The following ASTN2 variants were observed in gnomAD, a reference collection of about 807,000 sequenced individuals.
ASTN2 encodes astrotactin 2.
In ASTN2, 54 loss-of-function variants were observed where a neutral mutation model predicts 139.8. The observed-to-expected ratio is 0.39, with a 90% confidence interval of 0.31 to 0.48. The LOEUF is 0.48. Among genes scored for constraint, ASTN2 ranks in the 20% least tolerant of loss-of-function variants. The probability of loss-of-function intolerance (pLI) is 0.95; values close to 1 mark genes in which losing one functional copy is unlikely to be tolerated. For missense variants in ASTN2, 1,565 were observed against 1,725.1 expected (o/e 0.91, Z 1.64); for synonymous variants, 756 against 719.5 (o/e 1.05, Z -0.81).
chr9:117,327,273 G>A (rs1828548485), intron 1 of ASTN2, among the ~76,000 whole-genome samples: 1 of 152,092 alleles, frequency 6.6e-6, no homozygotes, highest in Non-Finnish European at 1.5e-5. Flanking sequence ...CCCAGGGATT[G>A]GGGACTCCCA....
At chr9:116,533,276 T>A (rs535780269) in intron 19 of ASTN2, among the ~76,000 whole-genome samples, 364 of 152,320 alleles carry the variant, frequency 2.4e-3, no homozygotes, top group African/African-American at 8.4e-3. Flanking sequence ...ACAATGGGGT[T>A]TTCTAAATAT....
At chr9:116,742,546 G>A (rs540656925) in intron 13 of ASTN2, among the ~76,000 whole-genome samples, 17 of 152,188 alleles carry the variant, frequency 1.1e-4, no homozygotes, top group African/African-American at 4.1e-4. Flanking sequence ...ATCTCGATAC[G>A]GGTGAGCAGG....
At chr9:116,704,270 T>A (rs1040139686) in intron 16 of ASTN2, among the ~76,000 whole-genome samples, 11 of 152,168 alleles carry the variant, frequency 7.2e-5, no homozygotes, top group African/African-American at 2.7e-4. Context: ...AATTGTTGAG[T>A]TCCCCCCAAT....
At chr9:116,944,470 C>T (rs1218029496) in intron 10 of ASTN2, among the ~76,000 whole-genome samples, 2 of 151,762 alleles carry the variant, frequency 1.3e-5, no homozygotes, top group Non-Finnish European at 2.9e-5. Context: ...TACCTGAGGT[C>T]AAAAGTTTGA....
At chr9:116,689,511 C>A (rs1860456733) in intron 16 of ASTN2, among the ~76,000 whole-genome samples, 1 of 152,070 alleles carries the variant, frequency 6.6e-6, no homozygotes, top group African/African-American at 2.4e-5. Flanking sequence ...GAAACTAAGG[C>A]TTAGGAAGTG....
At chr9:117,404,532 A>C (rs979284547) in intron 1 of ASTN2, among the ~76,000 whole-genome samples, 1 of 152,246 alleles carries the variant, frequency 6.6e-6, no homozygotes, top group Non-Finnish European at 1.5e-5. Flanking sequence ...GGATTTATAT[A>C]GCATTATAAT....
At chr9:116,839,012 C>T (rs908693222) in intron 11 of ASTN2, among the ~76,000 whole-genome samples, 2 of 152,200 alleles carry the variant, frequency 1.3e-5, no homozygotes, top group South Asian at 2.1e-4. Context: ...TGTTCTCCTC[C>T]AAGGACTAGG....
intron 19 of ASTN2, among the ~76,000 whole-genome samples, chr9:116,493,142 C>T (rs1329719167): frequency 1.3e-5 from 2 of 152,150 alleles, no homozygotes; most frequent in African/African-American, 2.4e-5. Flanking sequence ...GGATTTGCAG[C>T]TACTCAGGGG....
chr9:116,680,273 G>C (rs1171775957), intron 16 of ASTN2, among the ~76,000 whole-genome samples: 6 of 152,184 alleles, frequency 3.9e-5, no homozygotes, highest in African/African-American at 1.4e-4. Flanking sequence ...AGAAAATCTA[G>C]AAGAAATGGA....
chr9:116,873,058 C>G (rs1026431734), intron 10 of ASTN2, among the ~76,000 whole-genome samples: 2 of 152,062 alleles, frequency 1.3e-5, no homozygotes, highest in African/African-American at 4.8e-5. Flanking sequence ...ATCCTTATGG[C>G]AATAATAGTT....
Position 116,699,758 on chromosome 9 carries a change from G to T in ASTN2, c.2806+26013C>A. ...TCCCAAGCCAACTTCCCTTCCCTTA[G>T]TTCTTGGTTGTTAGTGGCACATGCA... On this transcript the variant is annotated intron_variant, in intron 16 of 22. Transcript: ENST00000313400. This position sits in a 1 kb window ranked among gnomAD's most constrained non-coding sequence, Gnocchi z 4.2. The T allele has an allele frequency of 6.2e-7, 1 of 1,612,990 alleles. No homozygotes were observed. The highest frequency in any genetic ancestry group is 1.3e-5 in the African/African-American group (1 of 75,036).
intron 7 of ASTN2, among the ~76,000 whole-genome samples, chr9:117,003,953 C>CGCGCGCGTGTGTGTGT (rs1218309835): frequency 1.5e-4 from 22 of 146,280 alleles, no homozygotes; most frequent in African/African-American, 5.7e-4. Flanking sequence ...CGCGCGCGCG[C>CGCGCGCGTGTGTGTGT]GTGTGTGTGT....
At chr9:117,412,025 G>T (rs1328711420) in intron 1 of ASTN2, among the ~76,000 whole-genome samples, 1 of 45,234 alleles carries the variant, frequency 2.2e-5, no homozygotes, top group African/African-American at 1.0e-4. Flanking sequence ...CCAACCCCCA[G>T]CGGGCACCAA....
At chr9:116,976,267 G>A in intron 8 of ASTN2, 79 bp from the exon 9 acceptor site, 1 of 1,207,408 alleles carries the variant, frequency 8.3e-7, no homozygotes, top group Non-Finnish European at 1.2e-6. Context: ...CTGCTCTAGA[G>A]TAGCTTTACA....
At chr9:117,215,164 C>T (rs768842457) in intron 2 of ASTN2, among the ~76,000 whole-genome samples, 12 of 152,096 alleles carry the variant, frequency 7.9e-5, no homozygotes, top group Non-Finnish European at 1.8e-4. Flanking sequence ...GCTGAGCATC[C>T]CAAGGACAGT....
At chr9:117,107,427 A>T (rs1370406268) in intron 4 of ASTN2, among the ~76,000 whole-genome samples, 1 of 152,216 alleles carries the variant, frequency 6.6e-6, no homozygotes, top group Non-Finnish European at 1.5e-5. Flanking sequence ...ATTTTATCCC[A>T]ATCAGCTGTA....
intron 5 of ASTN2, among the ~76,000 whole-genome samples, chr9:117,057,620 C>A (rs1351598635): frequency 6.6e-6 from 1 of 152,156 alleles, no homozygotes; most frequent in East Asian, 1.9e-4. Context: ...GAATTGAGAT[C>A]AGGATGTAGC....
At chr9:117,106,112 A>C (rs2132774803) in intron 4 of ASTN2, among the ~76,000 whole-genome samples, 1 of 152,246 alleles carries the variant, frequency 6.6e-6, no homozygotes, top group Non-Finnish European at 1.5e-5. Context: ...TTCCGTCCAG[A>C]CTTTTGAAAT....
At chr9:116,804,321 T>C (rs1337555081) in intron 13 of ASTN2, among the ~76,000 whole-genome samples, 1 of 152,134 alleles carries the variant, frequency 6.6e-6, no homozygotes, top group East Asian at 1.9e-4. Context: ...TCAACCTCTC[T>C]GGATTAATTT....
Sources: allele counts gnomAD v4.1 joint callset (sites outside exome capture counted in the v4.1 genomes callset), GRCh38; gene constraint gnomAD v4.1.1; non-coding constraint Gnocchi (gnomAD v3.1); transcripts MANE v1.5; gene names NCBI Gene and HGNC (gene_info 2026-07-23, HGNC 2026-07-21).